The following PHKB variants were observed in gnomAD, a reference collection of about 807,000 sequenced individuals.
The protein encoded by PHKB is phosphorylase b kinase regulatory subunit beta.
In PHKB, 122 loss-of-function variants were observed where a neutral mutation model predicts 152.1. That is an observed-to-expected ratio of 0.80 (90% CI 0.69 to 0.93). The LOEUF is 0.93. PHKB is among the 40% of genes least tolerant of loss of function. PHKB has a pLI of 0.00. For synonymous variants in PHKB, 436 were observed against 464.9 expected, an observed-to-expected ratio of 0.94 and a Z score of 0.80; for missense variants, 1,304 against 1,328.4, an observed-to-expected ratio of 0.98 and a Z score of 0.29.
chr16:47,499,701 C>T (rs1970291231), intron 2 of PHKB, 55 bp from the exon 3 acceptor site: 1 of 1,605,412 alleles, frequency 6.2e-7, no homozygotes, highest in Non-Finnish European at 8.5e-7. Flanking sequence ...AAACATTTAG[C>T]CCAAGGAAAG....
intron 7 of PHKB, chr16:47,566,928 T>C (rs1404776470): frequency 1.7e-6 from 1 of 576,338 alleles, no homozygotes; most frequent in African/African-American, 1.9e-5. Context: ...GAAACTGGTA[T>C]TGTTGAGGCT....
chr16:47,545,004 G>A (rs1184073434), intron 6 of PHKB, among the ~76,000 whole-genome samples: 1 of 152,084 alleles, frequency 6.6e-6, no homozygotes, highest in Non-Finnish European at 1.5e-5. Flanking sequence ...TGTGAGATGG[G>A]TCTCCTGAGT....
At chr16:47,532,855 G>A (rs1970885717) in intron 6 of PHKB, among the ~76,000 whole-genome samples, 1 of 152,354 alleles carries the variant, frequency 6.6e-6, no homozygotes, top group Non-Finnish European at 1.5e-5. Flanking sequence ...CATTTTATGG[G>A]TCCCATGTTC....
intron 27 of PHKB, 109 bp from the exon 28 acceptor site, chr16:47,693,269 T>C: frequency 9.2e-7 from 1 of 1,088,494 alleles, no homozygotes; most frequent in South Asian, 1.3e-5. Context: ...TTGATGGGCT[T>C]TGGCTTTTAT....
chr16:47,630,836 T>C (rs903265304), intron 14 of PHKB, among the ~76,000 whole-genome samples: 2 of 152,226 alleles, frequency 1.3e-5, no homozygotes, highest in Non-Finnish European at 2.9e-5. Flanking sequence ...AGAACAAGGC[T>C]GACCCCCGCT....
chr16:47,592,982 C>T (rs945035521), intron 10 of PHKB, among the ~76,000 whole-genome samples: 2 of 151,930 alleles, frequency 1.3e-5, no homozygotes, highest in African/African-American at 4.8e-5. Flanking sequence ...TGGTTCATGC[C>T]TGTAATGTCT....
intron 26 of PHKB, among the ~76,000 whole-genome samples, chr16:47,683,755 C>T (rs1304261351): frequency 6.6e-6 from 1 of 152,156 alleles, no homozygotes. Context: ...GTGCACGGTG[C>T]ACTTCACCCA....
intron 1 of PHKB, among the ~76,000 whole-genome samples, chr16:47,482,474 A>G (rs1969979383): frequency 6.6e-6 from 1 of 152,216 alleles, no homozygotes; most frequent in African/African-American, 2.4e-5. Flanking sequence ...TACAGATTAT[A>G]ATTTCTATAC....
At chr16:47,650,962 G>T (rs1973227107) in intron 20 of PHKB, 41 bp downstream of exon 20, 2 of 1,326,522 alleles carry the variant, frequency 1.5e-6, no homozygotes, top group Non-Finnish European at 2.2e-6. Flanking sequence ...TTTCAGGACA[G>T]TTAATCTACA....
chr16:47,560,648 A>C (rs1971460053), intron 7 of PHKB, among the ~76,000 whole-genome samples: 1 of 152,214 alleles, frequency 6.6e-6, no homozygotes, highest in South Asian at 2.1e-4. Flanking sequence ...ATGTGCAAAG[A>C]CAATTCAGGG....
At chr16:47,463,909 G>T in intron 1 of PHKB, 2 of 1,613,534 alleles carry the variant, frequency 1.2e-6, no homozygotes, top group South Asian at 1.1e-5. Context: ...CTTAGCCTGC[G>T]ACGCTTATGA....
At chr16:47,639,648 C>T (rs1972982625) in intron 14 of PHKB, among the ~76,000 whole-genome samples, 1 of 152,164 alleles carries the variant, frequency 6.6e-6, no homozygotes, top group African/African-American at 2.4e-5. Flanking sequence ...CCTAAACAGG[C>T]CTATGATTCA....
intron 14 of PHKB, among the ~76,000 whole-genome samples, chr16:47,626,666 A>C (rs1002095059): frequency 2.6e-5 from 4 of 152,188 alleles, no homozygotes; most frequent in African/African-American, 9.7e-5. Flanking sequence ...TGCTTCTGGG[A>C]CTGCCACTAA....
intron 10 of PHKB, among the ~76,000 whole-genome samples, chr16:47,592,127 G>T (rs1972039246): frequency 6.6e-6 from 1 of 152,206 alleles, no homozygotes; most frequent in Admixed American, 6.5e-5. Flanking sequence ...TAGTGCTGAA[G>T]TTGAGAAAGC....
chr16:47,640,979 CTGA>C (rs2151726292), intron 14 of PHKB, 53 bp from the exon 15 acceptor site: 1 of 1,437,768 alleles, frequency 7.0e-7, no homozygotes, highest in Admixed American at 1.7e-5. Flanking sequence ...CTCATTGTAG[CTGA>C]TGATGACCAG....
intron 4 of PHKB, chr16:47,505,580 A>G (rs763522384): frequency 6.6e-6 from 1 of 152,214 alleles, no homozygotes; most frequent in Admixed American, 6.5e-5. Flanking sequence ...TGTCGTTATC[A>G]TTAGTAGTAT....
Position 47,699,344 on chromosome 16 carries a change from A to C in PHKB, c.3260A>C (p.Asp1087Ala), listed in dbSNP as rs752261025. ...LLEGEVKPNN[D>A]DPCLIS ...GAAGGAGAAGTCAAGCCAAACAATG[A>C]TGACCCGTGTCTGATTAGCTAGTGG... The change falls in exon 31 of 31, where the codon GAT becomes GCT. Residue 1087 changes from aspartate to alanine, a missense_variant. By Grantham distance (126) the Asp-to-Ala change is moderately radical. Transcript: ENST00000323584. The C allele has an allele frequency of 6.2e-7, 1 of 1,614,202 alleles. No individual in the cohort carries two copies. The highest frequency in any genetic ancestry group is 2.2e-5 in the East Asian group (1 of 44,878).
intron 14 of PHKB, among the ~76,000 whole-genome samples, chr16:47,636,874 C>T (rs117954251): frequency 0.017 from 2,566 of 152,242 alleles, 43 homozygotes; most frequent in Non-Finnish European, 0.027. Context: ...GCCTGGGGGC[C>T]GGGCTGCCAC....
chr16:47,650,622 A>G lies in PHKB; in HGVS notation c.1876A>G (p.Ile626Val), dbSNP rs1233602044. The change falls in exon 19 of 31, where the codon ATA becomes GTA. Residue 626 changes from isoleucine to valine, a missense_variant. Ile to Val is a conservative substitution (Grantham distance 29, BLOSUM62 3). Coordinates refer to ENST00000323584, the MANE Select transcript of PHKB (RefSeq NM_000293.3). ...CCTTGTTCTCATCCGGGAAGACAAT[A>G]TAAGGTAGGTTGATAAAAGAAGTAA... is the stretch of plus-strand genomic sequence containing the variant. Reference protein sequence around the residue: ...LFLVLIREDNIRGSRFNPILD... With the variant: ...LFLVLIREDNVRGSRFNPILD... 6.3e-7 allele frequency: 1 copy of G among 1,599,958 alleles called. No homozygotes were observed. Among genetic ancestry groups the G allele is most frequent in the African/African-American group, 1.3e-5 (1 of 74,658 alleles).
Sources: allele counts gnomAD v4.1 joint callset (sites outside exome capture counted in the v4.1 genomes callset), GRCh38; gene constraint gnomAD v4.1.1; transcripts MANE v1.5; gene names NCBI Gene and HGNC (gene_info 2026-07-23, HGNC 2026-07-21).